Variants in RNF157 observed in about 807,000 individuals in gnomAD.
The protein encoded by RNF157 is E3 ubiquitin ligase RNF157.
A neutral mutation model predicts 88.3 loss-of-function variants in RNF157; 55 were observed. The ratio of observed to expected loss-of-function variants is 0.62; its 90% CI spans 0.50 to 0.78. RNF157 has a LOEUF of 0.78. RNF157 is among the 30% of genes least tolerant of loss of function. The probability of loss-of-function intolerance (pLI) is 0.00; values close to 1 mark genes in which losing one functional copy is unlikely to be tolerated. For synonymous variants in RNF157, 334 were observed against 341.2 expected, an observed-to-expected ratio of 0.98 and a Z score of 0.23; for missense variants, 788 against 860.8, an observed-to-expected ratio of 0.92 and a Z score of 1.06.
rs771779997 is a variant in RNF157 at position 76,166,523 on chromosome 17, C to A, written c.566G>T (p.Gly189Val). The A allele has an allele frequency of 3.7e-6, 6 of 1,613,556 alleles. No individual in the cohort carries two copies. In the Admixed American group the frequency reaches 8.3e-5, roughly 22 times the overall value. The stretch of plus-strand genomic sequence containing the variant: ...GTAAACTTCTCGGTCTAAATCAAAG[C>A]CAAGCTGAAGGGAAAGAAAAGGAAA... The part of the protein sequence containing the change: ...DPSEWAEEEL[G>V]FDLDREVYPL... The change falls in exon 6 of 19, where the codon GGC (glycine) becomes GTC (valine). Residue 189 changes from glycine to valine, a missense_variant. Gly to Val is a moderately radical substitution (Grantham distance 109, BLOSUM62 -3). Coordinates refer to ENST00000269391, the MANE Select transcript of RNF157 (RefSeq NM_052916.3).
At chr17:76,226,225 C>A in intron 1 of RNF157, 1 of 1,612,148 alleles carries the variant, frequency 6.2e-7, no homozygotes, top group Non-Finnish European at 8.5e-7. Context: ...TGGAGTCCGG[C>A]TTCCTATCTT....
At chr17:76,210,930 G>A (rs1218892127) in intron 2 of RNF157, among the ~76,000 whole-genome samples, 5 of 152,074 alleles carry the variant, frequency 3.3e-5, no homozygotes, top group Admixed American at 1.3e-4. Flanking sequence ...TCAGTCTCTG[G>A]AGCAGCTGGG....
In RNF157 at chr17:76,156,336, G is replaced by A. The variant is rs753213571; in HGVS notation, c.1414-15C>T. On this transcript the variant is annotated splice_polypyrimidine_tract_variant and intron_variant, in intron 13 of 18. Coordinates refer to ENST00000269391, the MANE Select transcript of RNF157 (RefSeq NM_052916.3). ...ACACCACATTCCTGGGGGTTGTGGG[G>A]GGACACAACAGGACATGGAGCAAGC... 3.3e-5 allele frequency: 53 copies of A among 1,613,796 alleles called. No homozygotes were observed. The highest frequency in any genetic ancestry group is 1.6e-4 in the Middle Eastern group (1 of 6,082).
chr17:76,188,289 T>C (rs12602521), intron 2 of RNF157, among the ~76,000 whole-genome samples: 14,308 of 152,086 alleles, frequency 0.094, 801 homozygotes, highest in African/African-American at 0.15. Context: ...CCCCATGTGG[T>C]CACCCATCAC....
chr17:76,168,384 ATTAT>A lies in RNF157; in HGVS notation c.297-591_297-588del, dbSNP rs1318988722. On this transcript the variant is annotated intron_variant, in intron 3 of 18. Transcript: ENST00000269391. ...TGATTACACAAACTTATAATCTATG[ATTAT>A]TTTTCTTTTCCTGCATAACTTTTTC... 4.0e-5 allele frequency among the ~76,000 whole-genome samples: 6 copies of A among 151,230 alleles called. 1 individual carries two copies. Among genetic ancestry groups the A allele is most frequent in the Non-Finnish European group, 8.8e-5 (6 of 67,934 alleles).
At position 76,240,182 on chromosome 17, in the gene RNF157, T is replaced by C; in HGVS notation, c.59A>G (p.Asn20Ser). Reference sequence around the variant, plus strand: ...CTTGGGCGGGTAGCGGTACACGGAATTAGACGGGATGTCCACCTCCTCCAC... The same window carrying C: ...CTTGGGCGGGTAGCGGTACACGGAACTAGACGGGATGTCCACCTCCTCCAC... ...AGVEEVDIPS[N>S]SVYRYPPKSG... Residue 20 changes from asparagine to serine, a missense_variant, in exon 1 of 19, where the codon AAT becomes AGT. Asn to Ser is a conservative substitution (Grantham distance 46). Coordinates refer to ENST00000269391, the MANE Select transcript of RNF157 (RefSeq NM_052916.3). This position sits in a 1 kb window ranked among gnomAD's most constrained non-coding sequence, Gnocchi z 4.4. 1 of 1,405,486 alleles carries C rather than the reference T, an allele frequency of 7.1e-7. No homozygotes were observed. The highest frequency in any genetic ancestry group is 9.4e-7 in the Non-Finnish European group (1 of 1,066,852). 87.1% of individuals were successfully genotyped at this position (1,405,486 alleles called of 1,614,324 possible).
intron 2 of RNF157, among the ~76,000 whole-genome samples, chr17:76,189,830 A>ACAAG (rs1288030242): frequency 1.3e-4 from 18 of 133,734 alleles, no homozygotes; most frequent in Non-Finnish European, 1.7e-4. Flanking sequence ...GGAGGAGAAC[A>ACAAG]CAAACAAAAA....
At chr17:76,182,845 G>GGATATATATATCCTATATAT (rs1161394582) in intron 2 of RNF157, among the ~76,000 whole-genome samples, 2 of 77,990 alleles carry the variant, frequency 2.6e-5, no homozygotes, top group East Asian at 6.4e-4. Flanking sequence ...ATGATATATA[G>GGATATATATATCCTATATAT]GATATATAGG....
intron 2 of RNF157, among the ~76,000 whole-genome samples, chr17:76,191,398 G>A (rs2069382416): frequency 6.6e-6 from 1 of 151,878 alleles, no homozygotes; most frequent in South Asian, 2.1e-4. Flanking sequence ...GGATCATGAG[G>A]TCAGGAGTTT....
intron 18 of RNF157, among the ~76,000 whole-genome samples, chr17:76,149,190 G>A (rs1169022199): frequency 6.6e-6 from 1 of 151,978 alleles, no homozygotes; most frequent in Non-Finnish European, 1.5e-5. Context: ...GTGCCTCTAA[G>A]CCCCTCACCA....
At chr17:76,156,173 G>C (rs926738683) in intron 14 of RNF157, 37 bp downstream of exon 14, 1 of 1,516,686 alleles carries the variant, frequency 6.6e-7, no homozygotes, top group South Asian at 1.1e-5. Flanking sequence ...CTGGGTAAGG[G>C]GGAAGGACAT....
At position 76,143,668 on chromosome 17, in the gene RNF157, A is replaced by G. The variant is rs2068545420; in HGVS notation, c.*1567T>C. 6.6e-6 allele frequency: 1 copy of G among 152,210 alleles called. No individual in the cohort carries two copies. Among genetic ancestry groups the G allele is most frequent in the Non-Finnish European group, 1.5e-5 (1 of 68,042 alleles). 9.4% of individuals were successfully genotyped at this position (152,210 alleles called of 1,614,324 possible). Reference sequence around the variant, plus strand: ...AGCCACAACCACTAGGCAGTGAGACAGTCACTGCACTCCTGGCCTCTGCAG... The same window carrying G: ...AGCCACAACCACTAGGCAGTGAGACGGTCACTGCACTCCTGGCCTCTGCAG... On this transcript the variant is annotated 3_prime_UTR_variant, in exon 19 of 19. Transcript: ENST00000269391.
At chr17:76,186,556 G>A (rs2069291902) in intron 2 of RNF157, among the ~76,000 whole-genome samples, 1 of 152,018 alleles carries the variant, frequency 6.6e-6, no homozygotes, top group Non-Finnish European at 1.5e-5. Context: ...AACTACTTAT[G>A]TAAGATTCAA....
In RNF157 at chr17:76,157,598, G is replaced by A. The variant is rs1343802106; in HGVS notation, c.1413+795C>T. Among the ~76,000 whole-genome samples, 2 of 152,108 alleles carry A rather than the reference G, an allele frequency of 1.3e-5. No individual in the cohort carries two copies. Among genetic ancestry groups the A allele is most frequent in the Non-Finnish European group, 2.9e-5 (2 of 68,036 alleles). ...CAGCAATTTATCGTCTCTGTTTTGG[G>A]CATACTTCTTTTTTATAAAATTTAC... On this transcript the variant is annotated intron_variant, in intron 13 of 18. Coordinates refer to ENST00000269391, the MANE Select transcript of RNF157 (RefSeq NM_052916.3). This position sits in a 1 kb window ranked among gnomAD's most constrained non-coding sequence, Gnocchi z 5.6.
At chr17:76,199,568 GT>G (rs1320961938) in intron 2 of RNF157, among the ~76,000 whole-genome samples, 45 of 89,038 alleles carry the variant, frequency 5.1e-4, no homozygotes, top group African/African-American at 2.1e-3. Flanking sequence ...GCAGCTGAAA[GT>G]TAAAAAAAAA....
intron 17 of RNF157, 62 bp downstream of exon 17, chr17:76,154,221 C>T (rs2144809796): frequency 1.6e-6 from 2 of 1,261,450 alleles, no homozygotes; most frequent in East Asian, 4.6e-5. Flanking sequence ...TTCTTTACCC[C>T]TTAAAGAATA....
At chr17:76,207,380 G>A (rs2069698599) in intron 2 of RNF157, among the ~76,000 whole-genome samples, 1 of 151,958 alleles carries the variant, frequency 6.6e-6, no homozygotes, top group Non-Finnish European at 1.5e-5. Context: ...CAATGATCAC[G>A]CCACTGCACT....
chr17:76,154,999 A>G (rs1246026521), intron 16 of RNF157, among the ~76,000 whole-genome samples: 1 of 152,232 alleles, frequency 6.6e-6, no homozygotes, highest in Non-Finnish European at 1.5e-5. Flanking sequence ...GCTGGCCAGA[A>G]AAGTTCCCTC....
At chr17:76,177,528 G>A (rs1272691579) in intron 2 of RNF157, among the ~76,000 whole-genome samples, 2 of 151,938 alleles carry the variant, frequency 1.3e-5, no homozygotes, top group African/African-American at 2.4e-5. Context: ...GGAAGGGGAA[G>A]GGGGAGAGGC....
Sources: gnomAD v4.1 joint callset for allele counts (sites outside exome capture counted in the v4.1 genomes callset) on GRCh38, gnomAD v4.1.1 for gene constraint, Gnocchi (gnomAD v3.1) non-coding constraint, MANE v1.5 for transcripts, NCBI Gene and HGNC (gene_info 2026-07-23, HGNC 2026-07-21) for gene names.